The following RIC3 variants were observed in gnomAD, a reference collection of about 807,000 sequenced individuals.
The protein encoded by RIC3 is protein RIC-3.
A neutral mutation model predicts 27.3 loss-of-function variants in RIC3; 28 were observed. The ratio of observed to expected loss-of-function variants is 1.02; its 90% confidence interval spans 0.76 to 1.41. The LOEUF is 1.41. RIC3 is among the 40% of genes most tolerant of loss of function. The pLI is 0.00. For missense variants in RIC3, 501 were observed against 444.7 expected, an observed-to-expected ratio of 1.13 and a Z score of -1.14; for synonymous variants, 184 against 160.4, an observed-to-expected ratio of 1.15 and a Z score of -1.11.
chr11:8,105,411 G>A (rs979311536), downstream of RIC3: 36 of 152,178 alleles, frequency 2.4e-4, 1 homozygote, highest in Non-Finnish European at 8.8e-5. Context: ...CTAGGCTCTT[G>A]TTTGAGTTTA....
rs1660443153 is a variant in RIC3, at chr11:8,140,084, C to G, written c.234G>C (p.Lys78Asn). The change falls in exon 2 of 6, where the codon AAG (lysine) becomes AAC (asparagine). Residue 78 changes from lysine (K) to asparagine (N), a missense_variant. Coordinates refer to ENST00000309737, the MANE Select transcript of RIC3 (RefSeq NM_001206671.4). ...CAGCACCTCCACCTGATCCTTTGGCCTTTGCAAATGCCTCGGCAAGGTGAG... is the reference window on the plus strand; with the variant it reads ...CAGCACCTCCACCTGATCCTTTGGCGTTTGCAAATGCCTCGGCAAGGTGAG... Reference protein sequence around the residue: ...QRSHLAEAFAKAKGSGGGAGG... With the variant: ...QRSHLAEAFANAKGSGGGAGG... 1.9e-6 allele frequency: 3 copies of G among 1,614,100 alleles called. No individual in the cohort carries two copies. Among genetic ancestry groups the G allele is most frequent in the Non-Finnish European group, 1.7e-6 (2 of 1,180,020 alleles).
downstream of RIC3, chr11:8,101,956 C>T: frequency 3.2e-6 from 1 of 311,844 alleles, no homozygotes; most frequent in Non-Finnish European, 6.1e-6. Context: ...CCGCAAGAGG[C>T]ATAGAGGGAG....
At chr11:8,126,984 T>A in intron 4 of RIC3, 177 bp from the exon 5 acceptor site, 1 of 727,802 alleles carries the variant, frequency 1.4e-6, no homozygotes, top group East Asian at 2.8e-5. Flanking sequence ...GTTCAATGCT[T>A]TGATTTTATA....
intron 1 of RIC3, among the ~76,000 whole-genome samples, chr11:8,152,874 G>A (rs538415804): frequency 3.9e-5 from 6 of 152,112 alleles, no homozygotes; most frequent in African/African-American, 7.2e-5. Flanking sequence ...TCTCCAGGAA[G>A]CTCATCCTAC....
chr11:8,159,532 G>A lies in RIC3; in HGVS notation c.124+9334C>T, dbSNP rs562098778. On this transcript the variant is annotated intron_variant, in intron 1 of 5. Transcript: ENST00000309737. ...TTGAGAATAGACTGAAGTGGGGAAG[G>A]AGGAAGGAGGCAAACCAGGGTGACA... Among the ~76,000 whole-genome samples the A allele has an allele frequency of 3.3e-5, 5 of 152,270 alleles. No homozygotes were observed. In the East Asian group the frequency reaches 9.6e-4, roughly 29 times the overall value.
At chr11:8,150,604 C>T (rs1328986979) in intron 1 of RIC3, among the ~76,000 whole-genome samples, 1 of 151,672 alleles carries the variant, frequency 6.6e-6, no homozygotes, top group Non-Finnish European at 1.5e-5. Flanking sequence ...TTCCCAATAC[C>T]AAAAGGCTGG....
At chr11:8,164,758 C>G (rs1951515081) in intron 1 of RIC3, among the ~76,000 whole-genome samples, 4 of 139,492 alleles carry the variant, frequency 2.9e-5, no homozygotes, top group Admixed American at 1.5e-4. Flanking sequence ...AGCCTGTGCA[C>G]CAGAGTGAGA....
chr11:8,156,756 T>C (rs1950692837), intron 1 of RIC3, among the ~76,000 whole-genome samples: 1 of 152,120 alleles, frequency 6.6e-6, no homozygotes, highest in Non-Finnish European at 1.5e-5. Context: ...ACTGCCCCCA[T>C]GCCCCCGAAG....
At position 8,169,007 on chromosome 11, in the gene RIC3, GC is replaced by G; in HGVS notation, c.-19del. The G allele has an allele frequency of 6.4e-7, 1 of 1,558,100 alleles. No homozygotes were observed. The stretch of plus-strand genomic sequence containing the variant: ...TACGCCATGACTGCTCACGGTGGTC[GC>G]AGGTGCAGACGCCAGCCGGAACCGG... On this transcript the variant is annotated 5_prime_UTR_variant, in exon 1 of 6. Coordinates refer to ENST00000309737, the MANE Select transcript of RIC3 (RefSeq NM_001206671.4).
chr11:8,118,272 C>T (rs1377918259), intron 5 of RIC3, among the ~76,000 whole-genome samples: 1 of 138,184 alleles, frequency 7.2e-6, no homozygotes, highest in Non-Finnish European at 1.6e-5. Flanking sequence ...AAGCAAGCAA[C>T]AAAAATTCAC....
downstream of RIC3, chr11:8,101,459 TCTG>T: frequency 9.7e-7 from 1 of 1,028,688 alleles, no homozygotes. Flanking sequence ...TGTCCTTTTC[TCTG>T]TCTGTGCCTG....
intron 5 of RIC3, among the ~76,000 whole-genome samples, chr11:8,118,870 C>CAAAA (rs71059152): frequency 7.3e-6 from 1 of 137,044 alleles, no homozygotes; most frequent in Non-Finnish European, 1.5e-5. Context: ...GACTCCATCT[C>CAAAA]AAAAAAAAAA....
intron 5 of RIC3, among the ~76,000 whole-genome samples, chr11:8,123,663 C>CT (rs1464305610): frequency 2.0e-5 from 3 of 152,022 alleles, no homozygotes; most frequent in Non-Finnish European, 4.4e-5. Flanking sequence ...TACAAACTAT[C>CT]AAAAGTTCAC....
chr11:8,143,876 A>AT (rs1281549076), intron 1 of RIC3, among the ~76,000 whole-genome samples: 2 of 152,218 alleles, frequency 1.3e-5, no homozygotes, highest in Non-Finnish European at 2.9e-5. Context: ...ATAACGCCGC[A>AT]TATCTACAAC....
chr11:8,129,013 CA>C (rs1947350163), intron 4 of RIC3, among the ~76,000 whole-genome samples: 1 of 152,068 alleles, frequency 6.6e-6, no homozygotes, highest in South Asian at 2.1e-4. Context: ...CTCGGCCTCC[CA>C]AAGTGCTGGG....
At chr11:8,144,671 C>G (rs1212922284) in intron 1 of RIC3, among the ~76,000 whole-genome samples, 44 of 148,064 alleles carry the variant, frequency 3.0e-4, no homozygotes, top group South Asian at 1.5e-3. Context: ...CTAGCCATCC[C>G]ATTACTGGGT....
intron 1 of RIC3, among the ~76,000 whole-genome samples, chr11:8,158,937 T>G: frequency 6.7e-6 from 1 of 150,136 alleles, no homozygotes. Context: ...TTCACCATGT[T>G]GGCCAGGCTG....
intron 1 of RIC3, among the ~76,000 whole-genome samples, chr11:8,151,982 C>T (rs942397737): frequency 4.6e-5 from 7 of 151,638 alleles, no homozygotes; most frequent in African/African-American, 1.5e-4. Flanking sequence ...AACAAATGTC[C>T]AATAAGCACA....
intron 5 of RIC3, among the ~76,000 whole-genome samples, chr11:8,119,626 T>A (rs562084502): frequency 2.0e-5 from 3 of 152,244 alleles, no homozygotes; most frequent in Non-Finnish European, 4.4e-5. Flanking sequence ...ATTCAGGACA[T>A]AGGCATAGGC....
Sources: gnomAD v4.1 joint callset for allele counts (sites outside exome capture counted in the v4.1 genomes callset) on GRCh38, gnomAD v4.1.1 for gene constraint, MANE v1.5 for transcripts, NCBI Gene and HGNC (gene_info 2026-07-23, HGNC 2026-07-21) for gene names.